IGF2BP3: variants seen among roughly 807,000 people sequenced by gnomAD.
IGF2BP3 encodes insulin like growth factor 2 mRNA binding protein 3, also known as insulin-like growth factor 2 mRNA-binding protein 3.
A neutral mutation model predicts 73.8 loss-of-function variants in IGF2BP3; 9 were observed. The observed-to-expected ratio is 0.12, with a 90% CI of 0.07 to 0.21. The LOEUF (loss-of-function observed/expected upper bound fraction) is 0.21. Among genes scored for constraint, IGF2BP3 ranks in the 10% least tolerant of loss-of-function variants. The pLI is 1.00. For missense variants in IGF2BP3, 542 were observed against 714.0 expected (o/e 0.76, Z 2.75); for synonymous variants, 258 against 256.7 (o/e 1.01, Z -0.05).
intron 2 of IGF2BP3, among the ~76,000 whole-genome samples, chr7:23,459,456 T>G (rs1788393344): frequency 6.6e-6 from 1 of 152,238 alleles, no homozygotes; most frequent in Non-Finnish European, 1.5e-5. Flanking sequence ...ATTTTAAACC[T>G]GGCTCATGAT....
chr7:23,376,217 G>C (rs1785713277), intron 3 of IGF2BP3, among the ~76,000 whole-genome samples: 1 of 152,144 alleles, frequency 6.6e-6, no homozygotes, highest in Non-Finnish European at 1.5e-5. Flanking sequence ...ACTCTGCTGG[G>C]AGGAGTGTTA....
At chr7:23,352,577 T>C (rs1244229099) in intron 5 of IGF2BP3, among the ~76,000 whole-genome samples, 3 of 152,174 alleles carry the variant, frequency 2.0e-5, no homozygotes, top group Non-Finnish European at 2.9e-5. Flanking sequence ...CATGAGCTAC[T>C]GTACCCAGCC....
At chr7:23,397,498 C>T (rs1163711512) in intron 3 of IGF2BP3, among the ~76,000 whole-genome samples, 1 of 152,236 alleles carries the variant, frequency 6.6e-6, no homozygotes, top group Non-Finnish European at 1.5e-5. Context: ...CTTATACCAA[C>T]ACATGCCTCC....
At chr7:23,339,831 G>A (rs1784663865) in intron 10 of IGF2BP3, among the ~76,000 whole-genome samples, 1 of 151,970 alleles carries the variant, frequency 6.6e-6, no homozygotes, top group Admixed American at 6.6e-5. Context: ...GAAGTGTTGG[G>A]GACACACCTG....
intron 3 of IGF2BP3, among the ~76,000 whole-genome samples, chr7:23,409,209 T>G (rs145328834): frequency 6.6e-6 from 1 of 152,180 alleles, no homozygotes. Flanking sequence ...AGGCCACAGA[T>G]GGTACCAGTC....
Position 23,347,747 on chromosome 7 carries a change from G to C in IGF2BP3, c.684-13C>G, listed in dbSNP as rs573484529. 2.1e-5 allele frequency: 34 copies of C among 1,613,678 alleles called. No individual in the cohort carries two copies. In the Admixed American group the frequency reaches 2.5e-4, roughly 12 times the overall value. ...GTGGACATCGATTCTGATAGTGGGCGCAAGCAGAGAGGAAAACGAGAGCAG... is the reference window on the plus strand; with the variant it reads ...GTGGACATCGATTCTGATAGTGGGCCCAAGCAGAGAGGAAAACGAGAGCAG... On this transcript the variant is annotated splice_polypyrimidine_tract_variant and intron_variant, in intron 6 of 14. Transcript: ENST00000258729.
At chr7:23,328,638 A>C (rs1784364662) in intron 10 of IGF2BP3, among the ~76,000 whole-genome samples, 1 of 152,250 alleles carries the variant, frequency 6.6e-6, no homozygotes, top group African/African-American at 2.4e-5. Context: ...GAGAAAAATT[A>C]AAGTACAACA....
At chr7:23,374,040 G>A (rs1222079197) in intron 3 of IGF2BP3, among the ~76,000 whole-genome samples, 2 of 152,216 alleles carry the variant, frequency 1.3e-5, no homozygotes, top group East Asian at 3.8e-4. Flanking sequence ...CTGAGGAACT[G>A]TGAGCCAAAT....
intron 2 of IGF2BP3, among the ~76,000 whole-genome samples, chr7:23,435,736 G>T (rs1787794434): frequency 6.7e-6 from 1 of 149,896 alleles, no homozygotes; most frequent in South Asian, 2.1e-4. Flanking sequence ...GATTACAGGC[G>T]TGAGCCACTG....
At position 23,469,914 on chromosome 7, in the gene IGF2BP3, G is replaced by T; in HGVS notation, c.175+22C>A. The T allele has an allele frequency of 6.3e-7, 1 of 1,583,854 alleles. No homozygotes were observed. Among genetic ancestry groups the T allele is most frequent in the Non-Finnish European group, 8.6e-7 (1 of 1,167,158 alleles). On this transcript the variant is annotated intron_variant, in intron 1 of 14. Coordinates refer to ENST00000258729, the MANE Select transcript of IGF2BP3 (RefSeq NM_006547.3). The surrounding 1 kb of genome is among the most constrained non-coding windows in gnomAD (Gnocchi z 6.1). Reference sequence around the variant, plus strand: ...GTGCAGGGCTGGGGCGAGAGCCCGGGTGGGGCCAGGCCCGGGCCCACCTGA... The same window carrying T: ...GTGCAGGGCTGGGGCGAGAGCCCGGTTGGGGCCAGGCCCGGGCCCACCTGA...
rs1786490751 is a variant in IGF2BP3, at chr7:23,396,850, C to CA, written c.285+21925dup. 2.6e-5 allele frequency among the ~76,000 whole-genome samples: 4 copies of CA among 152,232 alleles called. No homozygotes were observed. The South Asian group carries it at 8.3e-4, about 32-fold the overall frequency. ...ATTTCAGCCAAAGGACAAATGCCTC[C>CA]AAAAAAAGTTAATTCACAGTGCAGC... On this transcript the variant is annotated intron_variant, in intron 3 of 14. Coordinates refer to ENST00000258729, the MANE Select transcript of IGF2BP3 (RefSeq NM_006547.3).
At chr7:23,347,058 TCTA>T (rs1784846618) in intron 7 of IGF2BP3, among the ~76,000 whole-genome samples, 1 of 152,210 alleles carries the variant, frequency 6.6e-6, no homozygotes, top group African/African-American at 2.4e-5. Flanking sequence ...TACTCTCGAT[TCTA>T]CTTTCAGTGC....
chr7:23,380,589 A>T (rs1785878835), intron 3 of IGF2BP3, among the ~76,000 whole-genome samples: 1 of 152,180 alleles, frequency 6.6e-6, no homozygotes, highest in Non-Finnish European at 1.5e-5. Flanking sequence ...ACTAGAACAC[A>T]CTATGTCTTC....
intron 2 of IGF2BP3, among the ~76,000 whole-genome samples, chr7:23,456,934 A>G (rs1422434512): frequency 6.6e-6 from 1 of 152,172 alleles, no homozygotes; most frequent in African/African-American, 2.4e-5. Context: ...CCATAGTCGC[A>G]GCTACTCGGG....
rs1583882362 is a variant in IGF2BP3 at position 23,322,432 on chromosome 7, A to C, written c.1204-3178T>G. ...AATATGGGACTATGTGAAAAGACCA[A>C]ATCTACGTCTGACTGGTGTACCTGA... On this transcript the variant is annotated intron_variant, in intron 10 of 14. Transcript: ENST00000258729. Among the ~76,000 whole-genome samples, 3 of 152,210 alleles carry C rather than the reference A, an allele frequency of 2.0e-5. No individual in the cohort carries two copies. In the East Asian group the frequency reaches 5.8e-4, roughly 29 times the overall value.
At chr7:23,346,198 C>G in intron 7 of IGF2BP3, 136 bp from the exon 8 acceptor site, 2 of 912,368 alleles carry the variant, frequency 2.2e-6, no homozygotes, top group Non-Finnish European at 1.6e-6. Flanking sequence ...TTAAAACTTG[C>G]TGACAATTGG....
At chr7:23,459,548 T>G (rs1305686653) in intron 2 of IGF2BP3, among the ~76,000 whole-genome samples, 1 of 152,088 alleles carries the variant, frequency 6.6e-6, no homozygotes, top group Non-Finnish European at 1.5e-5. Flanking sequence ...GAACTGGACT[T>G]GGGGCCAGGT....
At chr7:23,466,533 T>C (rs1788570934) in intron 2 of IGF2BP3, among the ~76,000 whole-genome samples, 1 of 152,224 alleles carries the variant, frequency 6.6e-6, no homozygotes, top group Admixed American at 6.5e-5. Context: ...TAAATCTACA[T>C]TGTTAATAAA....
At position 23,470,078 on chromosome 7, in the gene IGF2BP3, C is replaced by T. The variant is rs749219627; in HGVS notation, c.33G>A (p.Glu11=). ...TTTCTAGGTCCGAGGGGGCGGCGTT[C>T]TCGCTGAGGTTTCCGATATACAGTT... MNKLYIGNLS[E]NAAPSDLESI... Residue 11 remains glutamate, a synonymous_variant, in exon 1 of 15, where the codon GAG becomes GAA. Coordinates refer to ENST00000258729, the MANE Select transcript of IGF2BP3 (RefSeq NM_006547.3). 30 of 1,609,350 alleles carry T rather than the reference C, an allele frequency of 1.9e-5. No individual in the cohort carries two copies. In the African/African-American group the frequency reaches 3.3e-4, roughly 18 times the overall value.
Sources: allele counts gnomAD v4.1 joint callset (sites outside exome capture counted in the v4.1 genomes callset), GRCh38; gene constraint gnomAD v4.1.1; non-coding constraint Gnocchi (gnomAD v3.1); transcripts MANE v1.5; gene names NCBI Gene and HGNC (gene_info 2026-07-23, HGNC 2026-07-21).